The following METTL8 variants were observed in gnomAD, a reference collection of about 807,000 sequenced individuals.
METTL8 encodes the protein methyltransferase 8, tRNA N3-cytidine.
In METTL8, 32 loss-of-function variants were observed where a neutral mutation model predicts 48.7. The observed-to-expected ratio is 0.66, with a 90% confidence interval of 0.50 to 0.88. The LOEUF is 0.88. Ranked by LOEUF, METTL8 falls within the 40% of genes least tolerant of loss-of-function variation. The pLI, the probability that METTL8 is intolerant of heterozygous loss-of-function variation, is 0.00. For synonymous variants in METTL8, 136 were observed against 157.1 expected (o/e 0.87, Z 1.01); for missense variants, 464 against 474.4 (o/e 0.98, Z 0.20).
intron 3 of METTL8, among the ~76,000 whole-genome samples, chr2:171,344,745 A>C (rs997458027): frequency 6.6e-6 from 1 of 152,328 alleles, no homozygotes; most frequent in Admixed American, 6.5e-5. Flanking sequence ...CAGCTTCTCC[A>C]ATCAATGCTG....
At chr2:171,358,205 G>A (rs1251444093) in intron 3 of METTL8, among the ~76,000 whole-genome samples, 1 of 152,022 alleles carries the variant, frequency 6.6e-6, no homozygotes, top group Non-Finnish European at 1.5e-5. Context: ...ACAAACATTA[G>A]CTGGGTGTGG....
At chr2:171,334,936 A>C (rs561068755) in intron 5 of METTL8, among the ~76,000 whole-genome samples, 1 of 152,252 alleles carries the variant, frequency 6.6e-6, no homozygotes, top group Non-Finnish European at 1.5e-5. Context: ...AAGGAATATA[A>C]AAAGTGGTCG....
At chr2:171,371,869 T>TTAC (rs1686395265) in intron 2 of METTL8, among the ~76,000 whole-genome samples, 1 of 145,908 alleles carries the variant, frequency 6.9e-6, no homozygotes, top group African/African-American at 2.5e-5. Flanking sequence ...ATTATTATTA[T>TTAC]TGTAGAGACG....
chr2:171,406,055 A>G (rs1574164874), intron 1 of METTL8, among the ~76,000 whole-genome samples: 1 of 152,342 alleles, frequency 6.6e-6, no homozygotes, highest in East Asian at 1.9e-4. Flanking sequence ...TTCACTCCCT[A>G]CTTCCCATAG....
At chr2:171,334,328 C>G (rs1325450981) in intron 5 of METTL8, among the ~76,000 whole-genome samples, 1 of 152,128 alleles carries the variant, frequency 6.6e-6, no homozygotes, top group East Asian at 1.9e-4. Flanking sequence ...ATCAGCAGCC[C>G]AAGGTGATGT....
intron 2 of METTL8, among the ~76,000 whole-genome samples, chr2:171,384,525 A>G (rs1687861363): frequency 6.7e-6 from 1 of 150,354 alleles, no homozygotes; most frequent in Admixed American, 6.6e-5. Context: ...CAAACAAACA[A>G]ACAGACAAAA....
intron 3 of METTL8, among the ~76,000 whole-genome samples, chr2:171,356,018 C>T (rs1364113562): frequency 6.6e-6 from 1 of 152,216 alleles, no homozygotes; most frequent in Non-Finnish European, 1.5e-5. Flanking sequence ...GAACCCAGTA[C>T]CTCAGTTGGA....
intron 1 of METTL8, among the ~76,000 whole-genome samples, chr2:171,409,438 C>T (rs952910167): frequency 6.6e-6 from 1 of 152,142 alleles, no homozygotes; most frequent in African/African-American, 2.4e-5. Context: ...CCACCTCCCA[C>T]TGTCTAGCAA....
intron 1 of METTL8, among the ~76,000 whole-genome samples, chr2:171,397,373 A>G (rs958409099): frequency 6.8e-6 from 1 of 147,220 alleles, no homozygotes; most frequent in African/African-American, 2.5e-5. Flanking sequence ...AAAAAAAAAA[A>G]AAAAAACAAC....
rs1212413740 is a variant in METTL8, at chr2:171,319,138, AT to A, written c.*5033del. 6.6e-6 allele frequency: 1 copy of A among 152,202 alleles called. No homozygotes were observed. Among genetic ancestry groups the A allele is most frequent in the Non-Finnish European group, 1.5e-5 (1 of 68,040 alleles). 9.4% of individuals were successfully genotyped at this position (152,202 alleles called of 1,614,324 possible). A position where few individuals can be genotyped will look rare whatever the true frequency, so the allele number is the denominator to read the frequency against. ...GATACTGTCTTTCTTACAATGTCTCATAAAACCTTTGAAAAAGTCACTGTTG... is the reference window on the plus strand; with the variant it reads ...GATACTGTCTTTCTTACAATGTCTCAAAAACCTTTGAAAAAGTCACTGTTG... On this transcript the variant is annotated 3_prime_UTR_variant, in exon 10 of 10. Coordinates refer to ENST00000375258, the MANE Select transcript of METTL8 (RefSeq NM_001321154.2).
In METTL8 at chr2:171,400,966, G is replaced by A. The variant is rs1574144174; in HGVS notation, c.-12-8769C>T. ...CACTGCAACCCCAGGGAGAGGAATT[G>A]CTATTAACCATACACTAAATGCCAG... On this transcript the variant is annotated intron_variant, in intron 1 of 9. Coordinates refer to ENST00000375258, the MANE Select transcript of METTL8 (RefSeq NM_001321154.2). 3.9e-5 allele frequency among the ~76,000 whole-genome samples: 6 copies of A among 152,244 alleles called. No homozygotes were observed. In the South Asian group the frequency reaches 1.2e-3, roughly 32 times the overall value.
At chr2:171,367,877 T>C (rs768345886) in intron 2 of METTL8, among the ~76,000 whole-genome samples, 15 of 152,152 alleles carry the variant, frequency 9.9e-5, no homozygotes, top group Non-Finnish European at 1.9e-4. Context: ...AGAGCTGTGG[T>C]TCTCAAACTG....
intron 1 of METTL8, among the ~76,000 whole-genome samples, chr2:171,419,974 C>A (rs1691712701): frequency 6.6e-6 from 1 of 151,952 alleles, no homozygotes; most frequent in Non-Finnish European, 1.5e-5. Context: ...TTTCCCCTAA[C>A]AACATGTTCA....
Position 171,331,804 on chromosome 2 carries a change from C to T in METTL8, c.720G>A (p.Lys240=), listed in dbSNP as rs752647081. ...GGTATGATTCCCAGGAGTAGCATAC[C>T]TTTACGAGCTCCACAGCTCCAGAAG... ...DFASGAVELV[K]SHSSYRATQC... is the part of the protein sequence containing the mutation. The change falls in exon 6 of 10, where the codon AAG becomes AAA. Residue 240 remains lysine, a splice_region_variant and synonymous_variant. Coordinates refer to ENST00000375258, the MANE Select transcript of METTL8 (RefSeq NM_001321154.2). 1 of 1,602,156 alleles carries T rather than the reference C, an allele frequency of 6.2e-7. No homozygotes were observed. The highest frequency in any genetic ancestry group is 8.5e-7 in the Non-Finnish European group (1 of 1,173,478).
chr2:171,370,443 A>G (rs1243328840), intron 2 of METTL8, among the ~76,000 whole-genome samples: 2 of 152,156 alleles, frequency 1.3e-5, no homozygotes, highest in Non-Finnish European at 2.9e-5. Flanking sequence ...TGGCAGTGGA[A>G]AATCATTTAA....
chr2:171,354,809 T>C (rs894109552), intron 3 of METTL8, among the ~76,000 whole-genome samples: 1 of 152,212 alleles, frequency 6.6e-6, no homozygotes, highest in African/African-American at 2.4e-5. Context: ...TTCAGCTCCA[T>C]CAGGTCTTTT....
intron 2 of METTL8, among the ~76,000 whole-genome samples, chr2:171,378,761 G>A (rs906665771): frequency 3.3e-5 from 5 of 152,184 alleles, no homozygotes; most frequent in African/African-American, 9.7e-5. Context: ...CATAAAACAA[G>A]TTCTTAGAGA....
intron 3 of METTL8, among the ~76,000 whole-genome samples, chr2:171,346,304 G>C (rs1687261488): frequency 6.6e-6 from 1 of 152,210 alleles, no homozygotes; most frequent in South Asian, 2.1e-4. Context: ...TGGGATTACA[G>C]GTGTGAGCCA....
At chr2:171,333,432 A>G (rs1334433919) in intron 5 of METTL8, among the ~76,000 whole-genome samples, 1 of 152,208 alleles carries the variant, frequency 6.6e-6, no homozygotes, top group Non-Finnish European at 1.5e-5. Flanking sequence ...TCATTGATGA[A>G]TAACTATGAT....
Sources: gnomAD v4.1 joint callset for allele counts (sites outside exome capture counted in the v4.1 genomes callset) on GRCh38, gnomAD v4.1.1 for gene constraint, MANE v1.5 for transcripts, NCBI Gene and HGNC (gene_info 2026-07-23, HGNC 2026-07-21) for gene names.